The following CCDC175 variants were observed in gnomAD, a reference collection of about 807,000 sequenced individuals.
CCDC175 encodes coiled-coil domain containing 175, also known as coiled-coil domain-containing protein 175.
Under a neutral mutation model 114.6 loss-of-function variants are expected in CCDC175, and 100 were observed. The ratio of observed to expected loss-of-function variants is 0.87; its 90% confidence interval spans 0.74 to 1.03. The LOEUF (loss-of-function observed/expected upper bound fraction) is 1.03, where lower values mean the gene tolerates loss of function less well. CCDC175 is among the 50% of genes least tolerant of loss of function. The probability of loss-of-function intolerance (pLI) is 0.00; values close to 1 mark genes in which losing one functional copy is unlikely to be tolerated. For missense variants in CCDC175, 880 were observed against 917.8 expected, an observed-to-expected ratio of 0.96 and a Z score of 0.53; for synonymous variants, 306 against 308.7, an observed-to-expected ratio of 0.99 and a Z score of 0.09.
At position 59,569,086 on chromosome 14, in the gene CCDC175, T is replaced by C. The variant is rs117673553; in HGVS notation, c.356-706A>G. Among the ~76,000 whole-genome samples the C allele has an allele frequency of 1.6e-3, 250 of 152,366 alleles. 1 individual carries two copies. Among genetic ancestry groups the C allele is most frequent in the Non-Finnish European group, 3.1e-3 (213 of 68,036 alleles). ...ATAAGTCAGTGTAATCACGTATGAC[T>C]TCAAAGGATTATCTCAGTGCATGAC... On this transcript the variant is annotated intron_variant, in intron 3 of 19. Transcript: ENST00000537690.
chr14:59,523,051 A>C (rs1893514299), intron 16 of CCDC175, among the ~76,000 whole-genome samples: 1 of 152,360 alleles, frequency 6.6e-6, no homozygotes, highest in Non-Finnish European at 1.5e-5. Flanking sequence ...GCAGATGGAC[A>C]CTGAATTTAA....
At chr14:59,510,538 G>A (rs1222998073) in intron 19 of CCDC175, 108 bp downstream of exon 19, 6 of 1,072,338 alleles carry the variant, frequency 5.6e-6, no homozygotes, top group African/African-American at 3.1e-5. Flanking sequence ...CATAATTGGG[G>A]ATAACTAAGT....
In CCDC175 at chr14:59,511,684, A is replaced by G. The variant is rs73305617; in HGVS notation, c.2142+76T>C. ...CAGGTGCACACAGACACAAAAGCAC[A>G]CACACTTATTAGGTAGGTAAACATT... On this transcript the variant is annotated intron_variant, in intron 18 of 19. Transcript: ENST00000537690. 5,303 of 1,223,646 alleles carry G rather than the reference A, an allele frequency of 4.3e-3. 172 individuals are homozygous for G. In the African/African-American group the frequency reaches 0.069, roughly 16 times the overall value. The allele number at this position is 1,223,646 out of a possible 1,614,324, so 75.8% of individuals were successfully genotyped here. A position where few individuals can be genotyped will look rare whatever the true frequency, so the allele number is the denominator to read the frequency against.
intron 4 of CCDC175, among the ~76,000 whole-genome samples, chr14:59,567,495 T>C (rs924332850): frequency 2.6e-5 from 4 of 152,230 alleles, no homozygotes; most frequent in African/African-American, 7.2e-5. Flanking sequence ...TTTCTCACTC[T>C]GGAAACTAAC....
chr14:59,544,836 C>T (rs1208685029), intron 9 of CCDC175, among the ~76,000 whole-genome samples: 1 of 152,112 alleles, frequency 6.6e-6, no homozygotes, highest in African/African-American at 2.4e-5. Flanking sequence ...AGACACCAGA[C>T]AGACAGCATG....
chr14:59,531,989 T>C, intron 13 of CCDC175, 79 bp from the exon 14 acceptor site: 3 of 725,088 alleles, frequency 4.1e-6, no homozygotes, highest in Non-Finnish European at 6.6e-6. Flanking sequence ...TATAAGTTTT[T>C]TGAGGGAAAG....
intron 17 of CCDC175, among the ~76,000 whole-genome samples, chr14:59,516,291 A>G (rs1893080808): frequency 6.6e-6 from 1 of 152,224 alleles, no homozygotes; most frequent in Non-Finnish European, 1.5e-5. Context: ...TTCAAAAGCT[A>G]GCAGAAGGTG....
chr14:59,537,525 G>A (rs182615214), intron 13 of CCDC175, among the ~76,000 whole-genome samples: 24 of 152,198 alleles, frequency 1.6e-4, no homozygotes, highest in Admixed American at 7.2e-4. Flanking sequence ...TAATATCATC[G>A]CCTTGGGAAG....
intron 17 of CCDC175, among the ~76,000 whole-genome samples, chr14:59,519,307 A>T (rs1338424625): frequency 1.3e-5 from 2 of 152,184 alleles, no homozygotes; most frequent in Non-Finnish European, 2.9e-5. Context: ...CGTAAAACTT[A>T]AAGTATAGTA....
intron 7 of CCDC175, among the ~76,000 whole-genome samples, chr14:59,554,431 C>T (rs543388810): frequency 1.3e-5 from 2 of 152,114 alleles, no homozygotes; most frequent in Non-Finnish European, 2.9e-5. Context: ...AACAAAGACA[C>T]AACATATCAG....
chr14:59,541,755 G>A (rs1272519014), intron 10 of CCDC175, among the ~76,000 whole-genome samples: 1 of 152,036 alleles, frequency 6.6e-6, no homozygotes, highest in Non-Finnish European at 1.5e-5. Flanking sequence ...ATCCTAAATG[G>A]ATAATAACAT....
At chr14:59,513,213 G>A (rs573656913) in intron 17 of CCDC175, among the ~76,000 whole-genome samples, 91 of 152,328 alleles carry the variant, frequency 6.0e-4, no homozygotes, top group African/African-American at 2.2e-3. Flanking sequence ...AATAGGAACA[G>A]CTCCAGTCTA....
rs1897033196 is a variant in CCDC175 at position 59,575,037 on chromosome 14, A to AT, written c.158-10_158-9insA. 5.0e-6 allele frequency: 7 copies of AT among 1,406,058 alleles called. No homozygotes were observed. Among genetic ancestry groups the AT allele is most frequent in the Non-Finnish European group, 6.7e-6 (7 of 1,044,976 alleles). 87.1% of individuals were successfully genotyped at this position (1,406,058 alleles called of 1,614,324 possible). A position where few individuals can be genotyped will look rare whatever the true frequency, so the allele number is the denominator to read the frequency against. On this transcript the variant is annotated splice_polypyrimidine_tract_variant and intron_variant, in intron 1 of 19. Coordinates refer to ENST00000537690, the MANE Select transcript of CCDC175 (RefSeq NM_001164399.2). ...ACTTTGCAGTGATTGTTCTGAAAAAAAAATTAGAAAATAAAGATCTCTTAT... is the reference window on the plus strand; with the variant it reads ...ACTTTGCAGTGATTGTTCTGAAAAAATAAATTAGAAAATAAAGATCTCTTAT...
intron 16 of CCDC175, among the ~76,000 whole-genome samples, chr14:59,522,418 A>G (rs1027789908): frequency 6.6e-6 from 1 of 152,210 alleles, no homozygotes; most frequent in Non-Finnish European, 1.5e-5. Flanking sequence ...ATGTTGTGTC[A>G]GCCTTTTCAT....
rs142617699 is a variant in CCDC175 at position 59,522,360 on chromosome 14, G to A, written c.1996-684C>T. On this transcript the variant is annotated intron_variant, in intron 16 of 19. Coordinates refer to ENST00000537690, the MANE Select transcript of CCDC175 (RefSeq NM_001164399.2). ...GATGAGGTAGACATGGGACTGTTACGTAGACTGTTTCTAAGCGTGTATTAT... is the reference window on the plus strand; with the variant it reads ...GATGAGGTAGACATGGGACTGTTACATAGACTGTTTCTAAGCGTGTATTAT... Among the ~76,000 whole-genome samples, 121 of 152,274 alleles carry A rather than the reference G, an allele frequency of 7.9e-4. 1 individual carries two copies. Among genetic ancestry groups the A allele is most frequent in the Non-Finnish European group, 1.1e-3 (78 of 68,024 alleles).
At chr14:59,573,431 C>T (rs971826778) in intron 2 of CCDC175, among the ~76,000 whole-genome samples, 9 of 152,066 alleles carry the variant, frequency 5.9e-5, no homozygotes, top group African/African-American at 1.7e-4. Context: ...AGCATCATCA[C>T]TTTTCTGTAA....
intron 5 of CCDC175, chr14:59,564,379 G>A (rs1896397970): frequency 6.5e-6 from 1 of 153,214 alleles, no homozygotes. Context: ...AGTGCCACTT[G>A]TTAGACCCTA....
chr14:59,529,710 T>C (rs375218904), intron 14 of CCDC175, among the ~76,000 whole-genome samples: 2 of 152,202 alleles, frequency 1.3e-5, no homozygotes, highest in African/African-American at 2.4e-5. Flanking sequence ...TTGGTACTTA[T>C]GGATTTGTAT....
intron 19 of CCDC175, among the ~76,000 whole-genome samples, chr14:59,507,813 C>T (rs1338518212): frequency 2.0e-5 from 3 of 152,124 alleles, no homozygotes; most frequent in Non-Finnish European, 4.4e-5. Flanking sequence ...GGTTAGATAA[C>T]ATGTAAGAAG....
Sources: allele counts gnomAD v4.1 joint callset (sites outside exome capture counted in the v4.1 genomes callset), GRCh38; gene constraint gnomAD v4.1.1; transcripts MANE v1.5; gene names NCBI Gene and HGNC (gene_info 2026-07-23, HGNC 2026-07-21).